Variants in TRAK1 observed in about 807,000 individuals in gnomAD.
TRAK1 encodes trafficking kinesin-binding protein 1.
Under a neutral mutation model 92.1 loss-of-function variants are expected in TRAK1, and 33 were observed. The ratio of observed to expected loss-of-function variants is 0.36; its 90% CI spans 0.27 to 0.48. The LOEUF (loss-of-function observed/expected upper bound fraction) is 0.48, where lower values mean the gene tolerates loss of function less well. Ranked by LOEUF, TRAK1 falls within the 20% of genes least tolerant of loss-of-function variation. The pLI is 0.99. For missense variants in TRAK1, 1,123 were observed against 1,257.9 expected (o/e 0.89, Z 1.62); for synonymous variants, 521 against 517.3 (o/e 1.01, Z -0.10).
intron 1 of TRAK1, among the ~76,000 whole-genome samples, chr3:42,106,627 GTATT>G (rs1707609446): frequency 1.3e-5 from 2 of 152,200 alleles, no homozygotes; most frequent in East Asian, 3.9e-4. Context: ...TTATAATGTT[GTATT>G]TATTTATTTG....
chr3:42,161,122 C>T (rs1043982033), intron 2 of TRAK1, among the ~76,000 whole-genome samples: 3 of 152,286 alleles, frequency 2.0e-5, no homozygotes, highest in South Asian at 4.1e-4. Context: ...AGCCCACTGC[C>T]GGCTCTCTTA....
chr3:42,216,959 T>C (rs1224253660), intron 14 of TRAK1, among the ~76,000 whole-genome samples: 1 of 152,178 alleles, frequency 6.6e-6, no homozygotes, highest in Non-Finnish European at 1.5e-5. Context: ...CATAATACCA[T>C]CTTCTGCAAA....
intron 1 of TRAK1, among the ~76,000 whole-genome samples, chr3:42,094,948 T>C (rs1205385117): frequency 6.6e-6 from 1 of 152,196 alleles, no homozygotes; most frequent in Admixed American, 6.5e-5. Context: ...TGGGTCAGCC[T>C]GTTTGCTCTA....
At chr3:42,217,271 T>G in intron 14 of TRAK1, 1 of 985,310 alleles carries the variant, frequency 1.0e-6, no homozygotes, top group Non-Finnish European at 1.2e-6. Flanking sequence ...ATCCTGGCAG[T>G]CAGTGGTGAC....
chr3:42,185,540 G>A (rs965893461), intron 4 of TRAK1, among the ~76,000 whole-genome samples: 1 of 152,138 alleles, frequency 6.6e-6, no homozygotes, highest in African/African-American at 2.4e-5. Flanking sequence ...AGATGGGGTT[G>A]CTAGGGCAAG....
At chr3:42,067,787 A>G (rs977795014) in intron 1 of TRAK1, among the ~76,000 whole-genome samples, 1 of 131,240 alleles carries the variant, frequency 7.6e-6, no homozygotes, top group East Asian at 2.2e-4. Context: ...TATGTTTGTA[A>G]TTGGCCTATC....
At chr3:42,117,477 A>G (rs1709310525) in intron 1 of TRAK1, among the ~76,000 whole-genome samples, 1 of 151,458 alleles carries the variant, frequency 6.6e-6, no homozygotes, top group African/African-American at 2.4e-5. Flanking sequence ...TTCTCTCACT[A>G]GGTTTTTCCT....
chr3:42,085,004 C>G (rs535439355), upstream of TRAK1, among the ~76,000 whole-genome samples: 1 of 151,974 alleles, frequency 6.6e-6, no homozygotes, highest in African/African-American at 2.4e-5. Context: ...TTCATTTATA[C>G]AGGCTGAGTA....
intron 1 of TRAK1, among the ~76,000 whole-genome samples, chr3:42,109,179 G>T (rs994568237): frequency 6.6e-6 from 1 of 152,150 alleles, no homozygotes. Context: ...CTCTTAGGAG[G>T]ATTAAATGAG....
intron 3 of TRAK1, among the ~76,000 whole-genome samples, chr3:42,178,490 C>T (rs751653975): frequency 1.6e-4 from 25 of 152,110 alleles, no homozygotes; most frequent in African/African-American, 5.3e-4. Flanking sequence ...CAGGGCCTGC[C>T]GGGGACCTTT....
chr3:42,124,560 A>G (rs932669886), intron 1 of TRAK1, among the ~76,000 whole-genome samples: 1 of 152,222 alleles, frequency 6.6e-6, no homozygotes, highest in African/African-American at 2.4e-5. Flanking sequence ...GTTCTCCGTC[A>G]CAGGCATTAG....
intron 2 of TRAK1, among the ~76,000 whole-genome samples, chr3:42,157,174 T>C (rs1700632134): frequency 6.7e-6 from 1 of 148,334 alleles, no homozygotes; most frequent in Non-Finnish European, 1.5e-5. Context: ...AAATTACTGA[T>C]GGGACCAGGC....
At position 42,202,278 on chromosome 3, in the gene TRAK1, T is replaced by C. The variant is rs1307269762; in HGVS notation, c.1428-158T>C. 6.6e-6 allele frequency among the ~76,000 whole-genome samples: 1 copy of C among 152,060 alleles called. No individual in the cohort carries two copies. The highest frequency in any genetic ancestry group is 6.5e-5 in the Admixed American group (1 of 15,272). On this transcript the variant is annotated intron_variant, in intron 12 of 15. Transcript: ENST00000327628. The surrounding 1 kb of genome is among the most constrained non-coding windows in gnomAD (Gnocchi z 6.1). ...GCGGGAGTGGTTCTGGACACGAATTTATTTCCCCCTGTTGCCTAAATGTCA... is the reference window on the plus strand; with the variant it reads ...GCGGGAGTGGTTCTGGACACGAATTCATTTCCCCCTGTTGCCTAAATGTCA...
chr3:42,156,266 C>T (rs960311095), intron 2 of TRAK1, among the ~76,000 whole-genome samples: 4 of 152,174 alleles, frequency 2.6e-5, no homozygotes, highest in Non-Finnish European at 5.9e-5. Flanking sequence ...TGCCTTTAAC[C>T]GTGAAGTGAA....
At chr3:42,034,652 G>A (rs1351511914) in intron 1 of TRAK1, among the ~76,000 whole-genome samples, 3 of 152,108 alleles carry the variant, frequency 2.0e-5, no homozygotes, top group South Asian at 2.1e-4. Context: ...TAGACTTTCC[G>A]TGTCTTTCTC....
At chr3:42,123,480 C>T (rs887064111) in intron 1 of TRAK1, among the ~76,000 whole-genome samples, 1 of 152,236 alleles carries the variant, frequency 6.6e-6, no homozygotes, top group Non-Finnish European at 1.5e-5. Flanking sequence ...GTGACAGTAG[C>T]CTCCCGTGTG....
intron 2 of TRAK1, among the ~76,000 whole-genome samples, chr3:42,151,598 G>A (rs903728792): frequency 2.0e-5 from 3 of 152,298 alleles, no homozygotes; most frequent in East Asian, 1.9e-4. Context: ...ATTTAAAGAG[G>A]TAGCAAAGTA....
chr3:42,088,556 C>A (rs1228270136), upstream of TRAK1, among the ~76,000 whole-genome samples: 1 of 152,148 alleles, frequency 6.6e-6, no homozygotes, highest in East Asian at 1.9e-4. Flanking sequence ...CTTCTCAGTC[C>A]CGTGTTTCCC....
chr3:42,062,803 T>A (rs1238529376), intron 1 of TRAK1, among the ~76,000 whole-genome samples: 1 of 152,236 alleles, frequency 6.6e-6, no homozygotes, highest in East Asian at 1.9e-4. Flanking sequence ...TGACACTCCC[T>A]TGTGTCCTGC....
Sources: gnomAD v4.1 joint callset for allele counts (sites outside exome capture counted in the v4.1 genomes callset) on GRCh38, gnomAD v4.1.1 for gene constraint, Gnocchi (gnomAD v3.1) non-coding constraint, MANE v1.5 for transcripts, NCBI Gene and HGNC (gene_info 2026-07-23, HGNC 2026-07-21) for gene names.